Variants in MARCHF1 observed in about 807,000 individuals in gnomAD.
MARCHF1 encodes the protein membrane associated ring-CH-type finger 1.
In MARCHF1, 40 loss-of-function variants were observed where a neutral mutation model predicts 54.2. The observed-to-expected ratio is 0.74, with a 90% CI of 0.57 to 0.96. MARCHF1 has a LOEUF of 0.96. Among genes scored for constraint, MARCHF1 ranks in the 40% least tolerant of loss-of-function variants. The probability of loss-of-function intolerance (pLI) is 0.00; values close to 1 mark genes in which losing one functional copy is unlikely to be tolerated. For missense variants in MARCHF1, 586 were observed against 656.5 expected, an observed-to-expected ratio of 0.89 and a Z score of 1.17; for synonymous variants, 236 against 236.3, an observed-to-expected ratio of 1.00 and a Z score of 0.01.
chr4:163,996,788 A>C (rs1175601996), intron 2 of MARCHF1, among the ~76,000 whole-genome samples: 2 of 152,072 alleles, frequency 1.3e-5, no homozygotes, highest in Non-Finnish European at 1.5e-5. Context: ...ACAAACATAC[A>C]TGCACACAGG....
At chr4:163,601,591 C>A (rs1406112516) in intron 7 of MARCHF1, among the ~76,000 whole-genome samples, 1 of 151,882 alleles carries the variant, frequency 6.6e-6, no homozygotes, top group African/African-American at 2.4e-5. Flanking sequence ...ATTGGATATT[C>A]AACAAACTAG....
At chr4:163,704,391 A>AT (rs528907365) in intron 4 of MARCHF1, among the ~76,000 whole-genome samples, 53 of 152,024 alleles carry the variant, frequency 3.5e-4, no homozygotes, top group African/African-American at 1.0e-3. Context: ...ACATAGGGAA[A>AT]TTGAATACTG....
chr4:164,052,416 C>CA (rs1368516791), intron 2 of MARCHF1, among the ~76,000 whole-genome samples: 1 of 151,952 alleles, frequency 6.6e-6, no homozygotes, highest in Non-Finnish European at 1.5e-5. Flanking sequence ...CCTGTAATCC[C>CA]ACCTACTATG....
intron 3 of MARCHF1, among the ~76,000 whole-genome samples, chr4:163,956,654 A>G (rs1192344331): frequency 1.3e-5 from 2 of 152,166 alleles, no homozygotes; most frequent in African/African-American, 4.8e-5. Context: ...GTGCAAAATT[A>G]TTTTAAGTAA....
chr4:164,196,237 C>G (rs1482473298), intron 1 of MARCHF1, among the ~76,000 whole-genome samples: 2 of 152,068 alleles, frequency 1.3e-5, no homozygotes, highest in Non-Finnish European at 1.5e-5. Context: ...CTCTAAGGTA[C>G]AATATATATT....
In MARCHF1 at chr4:163,790,570, C is replaced by T. The variant is rs144992100; in HGVS notation, c.111+63451G>A. On this transcript the variant is annotated intron_variant, in intron 4 of 9. Transcript: ENST00000514618. ...CTGCATTTCACAGTAAAATCAGATT[C>T]ATCTTATCCTAGAAACTAATAGTTG... 3.5e-3 allele frequency among the ~76,000 whole-genome samples: 535 copies of T among 152,212 alleles called. 3 individuals carry two copies. The highest frequency in any genetic ancestry group is 0.012 in the African/African-American group (508 of 41,570).
intron 4 of MARCHF1, among the ~76,000 whole-genome samples, chr4:163,719,165 T>A (rs1336720018): frequency 1.3e-5 from 2 of 152,044 alleles, no homozygotes; most frequent in Non-Finnish European, 2.9e-5. Flanking sequence ...TATCTCCTAA[T>A]GCTTTCCCTC....
At chr4:163,761,211 T>C (rs1158697683) in intron 4 of MARCHF1, among the ~76,000 whole-genome samples, 1 of 152,208 alleles carries the variant, frequency 6.6e-6, no homozygotes, top group Non-Finnish European at 1.5e-5. Context: ...TATGAAGGGA[T>C]TCGTTATATA....
At chr4:163,812,256 T>G (rs969729871) in intron 4 of MARCHF1, among the ~76,000 whole-genome samples, 4 of 150,690 alleles carry the variant, frequency 2.7e-5, no homozygotes, top group Non-Finnish European at 5.9e-5. Flanking sequence ...ATATAATATA[T>G]AGTTATATGT....
intron 3 of MARCHF1, among the ~76,000 whole-genome samples, chr4:163,883,233 GTA>G (rs1234573963): frequency 1.6e-5 from 2 of 124,266 alleles, no homozygotes; most frequent in African/African-American, 3.0e-5. Context: ...ATATATATGT[GTA>G]TATGTGTGTG....
intron 1 of MARCHF1, among the ~76,000 whole-genome samples, chr4:164,312,308 ATTTTC>A: frequency 8.0e-6 from 1 of 125,536 alleles, no homozygotes; most frequent in Admixed American, 8.3e-5. Flanking sequence ...CCTGTGAATT[ATTTTC>A]TTTTTCTTTT....
chr4:164,111,982 G>T (rs1755842342), intron 1 of MARCHF1, among the ~76,000 whole-genome samples: 1 of 151,826 alleles, frequency 6.6e-6, no homozygotes, highest in South Asian at 2.1e-4. Context: ...AGCCATTTAT[G>T]TACTGCCAAA....
chr4:163,719,353 C>T (rs1368192151), intron 4 of MARCHF1, among the ~76,000 whole-genome samples: 4 of 152,286 alleles, frequency 2.6e-5, no homozygotes, highest in East Asian at 3.9e-4. Flanking sequence ...CTACAAAGGA[C>T]ATGAACTCAT....
intron 1 of MARCHF1, among the ~76,000 whole-genome samples, chr4:164,265,107 A>G (rs1202822154): frequency 2.0e-5 from 3 of 152,118 alleles, no homozygotes; most frequent in Non-Finnish European, 4.4e-5. Flanking sequence ...AGAATATATT[A>G]TCATGCTCCT....
At chr4:163,601,403 T>C (rs570571789) in intron 7 of MARCHF1, among the ~76,000 whole-genome samples, 93 of 14,992 alleles carry the variant, frequency 6.2e-3, no homozygotes, top group African/African-American at 7.9e-3. Flanking sequence ...AAGTGTTGCT[T>C]TTTTTTTTTT....
intron 7 of MARCHF1, 38 bp from the exon 8 acceptor site, chr4:163,585,967 G>C: frequency 6.4e-7 from 1 of 1,554,628 alleles, no homozygotes; most frequent in South Asian, 1.2e-5. Context: ...AGATCTCCCA[G>C]AGAACATTTC....
intron 4 of MARCHF1, among the ~76,000 whole-genome samples, chr4:163,784,277 A>G (rs1215198716): frequency 6.6e-6 from 1 of 152,054 alleles, no homozygotes; most frequent in East Asian, 1.9e-4. Flanking sequence ...TATTATACCA[A>G]TCTAGAAGAA....
At chr4:163,958,328 T>G (rs1181495097) in intron 3 of MARCHF1, among the ~76,000 whole-genome samples, 1 of 151,916 alleles carries the variant, frequency 6.6e-6, no homozygotes, top group Non-Finnish European at 1.5e-5. Context: ...ATCCATCTCT[T>G]TACACTAGAA....
chr4:163,697,467 A>G (rs1744671450), intron 5 of MARCHF1, among the ~76,000 whole-genome samples: 1 of 152,170 alleles, frequency 6.6e-6, no homozygotes, highest in East Asian at 1.9e-4. Context: ...CTCACTAAGG[A>G]ATGGGGAAGG....
Sources: allele counts gnomAD v4.1 joint callset (sites outside exome capture counted in the v4.1 genomes callset), GRCh38; gene constraint gnomAD v4.1.1; transcripts MANE v1.5; gene names NCBI Gene and HGNC (gene_info 2026-07-23, HGNC 2026-07-21).